ACSM2B: variants seen among roughly 807,000 people sequenced by gnomAD.
The protein encoded by ACSM2B is acyl-coenzyme A synthetase ACSM2B, mitochondrial.
In ACSM2B, 58 loss-of-function variants were observed where a neutral mutation model predicts 78.6. The observed-to-expected ratio is 0.74, with a 90% confidence interval of 0.60 to 0.92. The LOEUF (loss-of-function observed/expected upper bound fraction) is 0.92. Ranked by LOEUF, ACSM2B falls within the 40% of genes least tolerant of loss-of-function variation. The pLI, the probability that ACSM2B is intolerant of heterozygous loss-of-function variation, is 0.00. For synonymous variants in ACSM2B, 257 were observed against 256.8 expected (o/e 1.00, Z -0.01); for missense variants, 688 against 711.2 (o/e 0.97, Z 0.37).
At chr16:20,567,291 A>T (rs965082646) in intron 1 of ACSM2B, among the ~76,000 whole-genome samples, 5 of 125,380 alleles carry the variant, frequency 4.0e-5, no homozygotes, top group South Asian at 2.2e-4. Flanking sequence ...GTAGCATAAT[A>T]TATAATGTAT....
chr16:20,573,148 A>G (rs368856842), intron 1 of ACSM2B, among the ~76,000 whole-genome samples: 41 of 151,736 alleles, frequency 2.7e-4, no homozygotes, highest in African/African-American at 6.5e-4. Flanking sequence ...GCCTTGTTTT[A>G]TCATATTCCC....
At chr16:20,555,527 CTAGAG>C (rs1181805070) in intron 3 of ACSM2B, 51 bp from the exon 4 acceptor site, 1 of 1,606,056 alleles carries the variant, frequency 6.2e-7, no homozygotes, top group Non-Finnish European at 8.5e-7. Flanking sequence ...TTCTTTGTCC[CTAGAG>C]AAGCCTGAGA....
chr16:20,564,403 G>A (rs1191843282), intron 2 of ACSM2B, among the ~76,000 whole-genome samples: 1 of 152,090 alleles, frequency 6.6e-6, no homozygotes, highest in African/African-American at 2.4e-5. Context: ...AACAGAGCAT[G>A]TGCAGTCTAC....
At chr16:20,550,511 A>G (rs1722377286) in intron 6 of ACSM2B, among the ~76,000 whole-genome samples, 1 of 152,172 alleles carries the variant, frequency 6.6e-6, no homozygotes, top group Non-Finnish European at 1.5e-5. Flanking sequence ...GGTGGAACTT[A>G]TTAAAAACCA....
intron 8 of ACSM2B, chr16:20,546,698 C>T (rs942070337): frequency 3.0e-6 from 2 of 659,194 alleles, no homozygotes; most frequent in Non-Finnish European, 4.6e-6. Context: ...TACCACTCCC[C>T]AGGAAGAGGA....
At chr16:20,537,721 A>G (rs962486501) in intron 13 of ACSM2B, among the ~76,000 whole-genome samples, 1 of 152,154 alleles carries the variant, frequency 6.6e-6, no homozygotes, top group Non-Finnish European at 1.5e-5. Flanking sequence ...CAGTTTTCCC[A>G]CTGAGTAAGA....
chr16:20,553,562 A>G (rs927461533), intron 5 of ACSM2B, among the ~76,000 whole-genome samples: 1 of 152,226 alleles, frequency 6.6e-6, no homozygotes, highest in Non-Finnish European at 1.5e-5. Flanking sequence ...AACACATGGA[A>G]GAAGTTTTGA....
rs2015435219 is a variant in ACSM2B at position 20,555,250 on chromosome 16, G to A, written c.596+19C>T. 1.2e-6 allele frequency: 2 copies of A among 1,613,804 alleles called. No homozygotes were observed. Among genetic ancestry groups the A allele is most frequent in the Non-Finnish European group, 1.7e-6 (2 of 1,179,760 alleles). On this transcript the variant is annotated intron_variant, in intron 4 of 13. Coordinates refer to ENST00000329697, the MANE Select transcript of ACSM2B (RefSeq NM_001105069.2). ...TCCAGTTTTAGTTAAAACCCAGGAT[G>A]AGACATGTAGATACTCACTTTAGTA...
At chr16:20,537,780 T>G (rs1473160454) in intron 13 of ACSM2B, among the ~76,000 whole-genome samples, 2 of 152,134 alleles carry the variant, frequency 1.3e-5, no homozygotes, top group Non-Finnish European at 2.9e-5. Context: ...CCAAAGGAGA[T>G]TATGCAGGCT....
intron 12 of ACSM2B, 142 bp from the exon 13 acceptor site, chr16:20,540,915 A>G: frequency 1.5e-6 from 2 of 1,298,822 alleles, no homozygotes. Context: ...AGGGAAAGGG[A>G]GAAACTGGGG....
At chr16:20,573,229 C>T (rs868207376) in intron 1 of ACSM2B, among the ~76,000 whole-genome samples, 106 of 151,832 alleles carry the variant, frequency 7.0e-4, no homozygotes, top group African/African-American at 1.9e-3. Context: ...CTCAAGGCTA[C>T]TGTTCAGATT....
At chr16:20,550,760 C>T (rs1016790593) in intron 6 of ACSM2B, among the ~76,000 whole-genome samples, 1 of 152,138 alleles carries the variant, frequency 6.6e-6, no homozygotes, top group Non-Finnish European at 1.5e-5. Flanking sequence ...TAGAGTCCAA[C>T]ATAGGGTGTA....
intron 1 of ACSM2B, among the ~76,000 whole-genome samples, chr16:20,574,925 C>G (rs1481224912): frequency 6.7e-6 from 1 of 148,396 alleles, no homozygotes. Context: ...TTAGGAGCAA[C>G]CAACCAGCTT....
intron 5 of ACSM2B, among the ~76,000 whole-genome samples, 200 bp downstream of exon 5, chr16:20,553,577 C>A (rs1356731921): frequency 6.6e-6 from 1 of 152,210 alleles, no homozygotes; most frequent in African/African-American, 2.4e-5. Context: ...TTTTGAGACC[C>A]TGTGTTATCT....
At chr16:20,545,385 A>G (rs572149286) in intron 9 of ACSM2B, 127 bp from the exon 10 acceptor site, 96 of 1,106,464 alleles carry the variant, frequency 8.7e-5, no homozygotes, top group Non-Finnish European at 9.9e-5. Context: ...AACGACAACC[A>G]AAAACCAAGG....
At chr16:20,565,712 CATT>C (rs1447495109) in intron 1 of ACSM2B, among the ~76,000 whole-genome samples, 3 of 152,006 alleles carry the variant, frequency 2.0e-5, no homozygotes, top group African/African-American at 7.2e-5. Context: ...TGATTTGTGA[CATT>C]GTTGTGCACC....
rs765624264 is a variant in ACSM2B, at chr16:20,545,179, A to C, written c.1259T>G (p.Ile420Arg). The C allele has an allele frequency of 1.2e-6, 2 of 1,613,700 alleles. No individual in the cohort carries two copies. Among genetic ancestry groups the C allele is most frequent in the South Asian group, 2.2e-5 (2 of 90,998 alleles). The part of the protein sequence containing the change: ...IGIRVKPIRP[I>R]GIFSGYVENP... ...CACCACATAGCCAGAGAAGATGCCT[A>C]TAGGCCTGATGGGTTTGACCCTGAT... The change falls in exon 10 of 14, where the codon ATA (isoleucine) becomes AGA (arginine). Residue 420 changes from isoleucine (I) to arginine (R), a missense_variant. Transcript: ENST00000329697.
At position 20,548,066 on chromosome 16, in the gene ACSM2B, T is replaced by A. The variant is rs762006157; in HGVS notation, c.1094A>T (p.Glu365Val). ...LDIREFYGQT[E>V]TGLTCMVSKT... ...GGTTCCCCTGGGAACAGGTACCGTT[T>A]CTGTCTGGCCATAGAATTCTCGGAT... Residue 365 changes from glutamate (E) to valine (V), a missense_variant, in exon 8 of 14, where the codon GAA becomes GTA. Transcript: ENST00000329697. The A allele has an allele frequency of 6.2e-7, 1 of 1,613,936 alleles. No homozygotes were observed. Among genetic ancestry groups the A allele is most frequent in the Non-Finnish European group, 8.5e-7 (1 of 1,179,912 alleles).
intron 13 of ACSM2B, 120 bp downstream of exon 13, chr16:20,540,534 T>G: frequency 6.7e-7 from 1 of 1,499,114 alleles, no homozygotes. Flanking sequence ...TCAGCCACCA[T>G]GTCCGGCCCA....
Sources: gnomAD v4.1 joint callset for allele counts (sites outside exome capture counted in the v4.1 genomes callset) on GRCh38, gnomAD v4.1.1 for gene constraint, MANE v1.5 for transcripts, NCBI Gene and HGNC (gene_info 2026-07-23, HGNC 2026-07-21) for gene names.